SPAST: variants seen among roughly 807,000 people sequenced by gnomAD.
The protein encoded by SPAST is spastic paraplegia 4 (autosomal dominant; spastin).
A neutral mutation model predicts 76.6 loss-of-function variants in SPAST; 30 were observed. The ratio of observed to expected loss-of-function variants is 0.39; its 90% CI spans 0.29 to 0.53. The LOEUF is 0.53. Among genes scored for constraint, SPAST ranks in the 20% least tolerant of loss-of-function variants. The pLI is 0.68. For missense variants in SPAST, 717 were observed against 770.5 expected (o/e 0.93, Z 0.82); for synonymous variants, 305 against 281.0 (o/e 1.09, Z -0.86).
At chr2:32,122,588 C>T (rs1014391524) in intron 7 of SPAST, among the ~76,000 whole-genome samples, 11 of 152,074 alleles carry the variant, frequency 7.2e-5, no homozygotes, top group African/African-American at 2.4e-4. Context: ...TCCCAAAGTG[C>T]TGGGATTACA....
intron 16 of SPAST, among the ~76,000 whole-genome samples, chr2:32,152,142 C>T (rs971061634): frequency 1.3e-5 from 2 of 152,154 alleles, no homozygotes; most frequent in African/African-American, 4.8e-5. Flanking sequence ...CCCCCCTTAA[C>T]TGAACCAGCT....
At chr2:32,133,040 C>A (rs903707540) in intron 9 of SPAST, among the ~76,000 whole-genome samples, 3 of 121,742 alleles carry the variant, frequency 2.5e-5, no homozygotes, top group African/African-American at 8.8e-5. Flanking sequence ...AAGTGAAACT[C>A]CATCTCAAAA....
At chr2:32,064,908 G>A (rs746478501) in intron 1 of SPAST, among the ~76,000 whole-genome samples, 4 of 152,108 alleles carry the variant, frequency 2.6e-5, no homozygotes, top group Non-Finnish European at 5.9e-5. Context: ...TGAAATGTTT[G>A]ATGAATGGAT....
chr2:32,132,259 C>T (rs370312538), intron 9 of SPAST, among the ~76,000 whole-genome samples: 132 of 152,178 alleles, frequency 8.7e-4, no homozygotes, highest in African/African-American at 3.0e-3. Flanking sequence ...GGCGTGGTGG[C>T]GTGTGCCTGT....
chr2:32,081,790 A>AAAAAAAAAAAAAAAG (rs1677238654), intron 1 of SPAST, among the ~76,000 whole-genome samples: 2 of 148,058 alleles, frequency 1.4e-5, no homozygotes, highest in African/African-American at 2.5e-5. Context: ...TCAAAAAAAA[A>AAAAAAAAAAAAAAAG]AAAAAAAAAA....
At chr2:32,084,782 G>C (rs1022558057) in intron 1 of SPAST, among the ~76,000 whole-genome samples, 14 of 151,262 alleles carry the variant, frequency 9.3e-5, no homozygotes, top group African/African-American at 2.7e-4. Flanking sequence ...AGCTACTTGG[G>C]AGGCTGAGGC....
At chr2:32,108,985 C>T (rs1460741743) in intron 4 of SPAST, among the ~76,000 whole-genome samples, 5 of 151,882 alleles carry the variant, frequency 3.3e-5, no homozygotes, top group African/African-American at 4.8e-5. Flanking sequence ...AGGATGATCT[C>T]GATCTCCTGA....
chr2:32,079,538 T>C (rs1677114675), intron 1 of SPAST, among the ~76,000 whole-genome samples: 1 of 150,952 alleles, frequency 6.6e-6, no homozygotes, highest in South Asian at 2.1e-4. Flanking sequence ...TTTTTCCAAC[T>C]CATGTACACC....
At chr2:32,153,851 C>T (rs1340503180) in intron 16 of SPAST, among the ~76,000 whole-genome samples, 5 of 151,900 alleles carry the variant, frequency 3.3e-5, no homozygotes, top group Non-Finnish European at 7.4e-5. Context: ...CCAAGGTGGG[C>T]GGATCACCTG....
intron 7 of SPAST, among the ~76,000 whole-genome samples, chr2:32,121,315 G>T (rs1031023146): frequency 6.6e-5 from 10 of 151,356 alleles, no homozygotes; most frequent in Non-Finnish European, 1.2e-4. Flanking sequence ...ACCACGCCCA[G>T]CTAATTTTTG....
Position 32,106,528 on chromosome 2 carries a change from T to C in SPAST, c.682+7637T>C, listed in dbSNP as rs564846277. Among the ~76,000 whole-genome samples, 7 of 152,322 alleles carry C rather than the reference T, an allele frequency of 4.6e-5. No individual in the cohort carries two copies. The South Asian group carries it at 1.2e-3, about 27-fold the overall frequency. ...GGAAATGCAGAAATCAGCTGTCTTC[T>C]GTGTCGCTCACACTGGGAGCTGCAG... On this transcript the variant is annotated intron_variant, in intron 4 of 16. Coordinates refer to ENST00000315285, the MANE Select transcript of SPAST (RefSeq NM_014946.4).
In SPAST at chr2:32,128,270, C is replaced by G. The variant is rs1679259775; in HGVS notation, c.1174-138C>G. 4.9e-5 allele frequency: 33 copies of G among 673,374 alleles called. No homozygotes were observed. In the South Asian group the frequency reaches 5.3e-4, roughly 11 times the overall value. 41.7% of individuals were successfully genotyped at this position (673,374 alleles called of 1,614,324 possible). On this transcript the variant is annotated intron_variant, in intron 8 of 16. Transcript: ENST00000315285. ...TCGGCCTCCGAAAGTGCTGGGATTACAGGCATGAGCCACCACACCTGGCCT... is the reference window on the plus strand; with the variant it reads ...TCGGCCTCCGAAAGTGCTGGGATTAGAGGCATGAGCCACCACACCTGGCCT...
At chr2:32,106,051 C>T (rs1003232556) in intron 4 of SPAST, among the ~76,000 whole-genome samples, 15 of 152,166 alleles carry the variant, frequency 9.9e-5, no homozygotes, top group African/African-American at 3.4e-4. Flanking sequence ...TATCCCATGT[C>T]CCCAGAGGTG....
intron 1 of SPAST, among the ~76,000 whole-genome samples, chr2:32,067,530 A>G (rs1051032506): frequency 4.6e-5 from 7 of 152,312 alleles, no homozygotes; most frequent in African/African-American, 1.4e-4. Context: ...TTCAGACCTC[A>G]GGTCTCAGGC....
chr2:32,074,733 C>T (rs1034654123), intron 1 of SPAST, among the ~76,000 whole-genome samples: 3 of 152,044 alleles, frequency 2.0e-5, no homozygotes, highest in Non-Finnish European at 4.4e-5. Context: ...TCTCGAACTC[C>T]GGACCTCAAG....
At chr2:32,140,692 A>C (rs550673585) in intron 12 of SPAST, among the ~76,000 whole-genome samples, 1 of 152,156 alleles carries the variant, frequency 6.6e-6, no homozygotes, top group South Asian at 2.1e-4. Flanking sequence ...TTGGGAGGCC[A>C]GATCACTTGA....
At chr2:32,105,448 A>G (rs944782039) in intron 4 of SPAST, among the ~76,000 whole-genome samples, 7 of 152,072 alleles carry the variant, frequency 4.6e-5, no homozygotes, top group African/African-American at 1.7e-4. Context: ...TCTGAGGCCT[A>G]CTTCTGTCAG....
chr2:32,067,910 T>C (rs544769450), intron 1 of SPAST, among the ~76,000 whole-genome samples: 1 of 152,026 alleles, frequency 6.6e-6, no homozygotes, highest in South Asian at 2.1e-4. Flanking sequence ...TAATGCATAT[T>C]TCATACTCTT....
At chr2:32,082,542 C>G (rs1344386417) in intron 1 of SPAST, among the ~76,000 whole-genome samples, 1 of 151,912 alleles carries the variant, frequency 6.6e-6, no homozygotes. Context: ...ACTAAAAATA[C>G]AAAATTAGCC....
Sources: allele counts gnomAD v4.1 joint callset (sites outside exome capture counted in the v4.1 genomes callset), GRCh38; gene constraint gnomAD v4.1.1; transcripts MANE v1.5; gene names NCBI Gene and HGNC (gene_info 2026-07-23, HGNC 2026-07-21).